The following ZSWIM5 variants were observed in gnomAD, a reference collection of about 807,000 sequenced individuals.
ZSWIM5 encodes the protein zinc finger SWIM domain-containing protein 5.
A neutral mutation model predicts 119.6 loss-of-function variants in ZSWIM5; 55 were observed. The observed-to-expected ratio is 0.46, with a 90% CI of 0.37 to 0.58. ZSWIM5 has a LOEUF of 0.58. Ranked by LOEUF, ZSWIM5 falls within the 20% of genes least tolerant of loss-of-function variation. ZSWIM5 has a pLI of 0.00. For synonymous variants in ZSWIM5, 537 were observed against 606.9 expected (o/e 0.88, Z 1.69); for missense variants, 1,193 against 1,512.8 (o/e 0.79, Z 3.51).
rs557324067 is a variant in ZSWIM5 at position 45,170,902 on chromosome 1, A to T, written c.595+34854T>A. On this transcript the variant is annotated intron_variant, in intron 1 of 13. Coordinates refer to ENST00000359600, the MANE Select transcript of ZSWIM5 (RefSeq NM_020883.2). ...CACTTGGCTGAAATGACTTTTTATT[A>T]AATTAAAAATGACTAGAATATTACC... Among the ~76,000 whole-genome samples the T allele has an allele frequency of 1.3e-3, 192 of 152,162 alleles. 3 individuals carry two copies. Among genetic ancestry groups the T allele is most frequent in the African/African-American group, 4.4e-3 (181 of 41,458 alleles).
chr1:45,158,379 G>A (rs1249600286), intron 1 of ZSWIM5, among the ~76,000 whole-genome samples: 1 of 152,012 alleles, frequency 6.6e-6, no homozygotes, highest in Non-Finnish European at 1.5e-5. Flanking sequence ...ACGTTGCCCA[G>A]GCTGGTCTCA....
intron 4 of ZSWIM5, among the ~76,000 whole-genome samples, chr1:45,052,720 C>T (rs532222428): frequency 1.9e-4 from 28 of 151,064 alleles, no homozygotes; most frequent in African/African-American, 6.6e-4. Context: ...TTACAGTGAG[C>T]CGAGATCACA....
chr1:45,060,161 G>A lies in ZSWIM5; in HGVS notation c.1039C>T (p.Leu347Phe), dbSNP rs368896573. Residue 347 changes from leucine to phenylalanine, a missense_variant, in exon 3 of 14, where the codon CTT becomes TTT. Leu to Phe is a conservative substitution (Grantham distance 22, BLOSUM62 0). Transcript: ENST00000359600. ...CAGTAACCGCCCTGGGAGAGAAAAA[G>A]CTTCACTTGTTCTTTCACCTGTTCT... ...DEEQVKEQVK[L>F]FLSQGGYCGS... The A allele has an allele frequency of 3.2e-5, 51 of 1,614,046 alleles. No individual in the cohort carries two copies. The African/African-American group carries it at 6.4e-4, about 20-fold the overall frequency.
intron 4 of ZSWIM5, among the ~76,000 whole-genome samples, chr1:45,055,525 C>T (rs141949024): frequency 2.0e-5 from 3 of 152,262 alleles, no homozygotes; most frequent in East Asian, 3.9e-4. Flanking sequence ...TCTGTGATGT[C>T]TGTATTAACT....
At chr1:45,033,071 C>T (rs937850094) in intron 11 of ZSWIM5, among the ~76,000 whole-genome samples, 2 of 152,128 alleles carry the variant, frequency 1.3e-5, no homozygotes, top group Non-Finnish European at 2.9e-5. Context: ...ATCTGATACT[C>T]CATGCAGGCT....
At chr1:45,176,461 C>T (rs1198252420) in intron 1 of ZSWIM5, among the ~76,000 whole-genome samples, 6 of 151,888 alleles carry the variant, frequency 4.0e-5, no homozygotes, top group Non-Finnish European at 8.8e-5. Context: ...GACGGGGTTT[C>T]GTCATGTTGG....
chr1:45,096,620 C>A (rs1183960633), intron 1 of ZSWIM5, among the ~76,000 whole-genome samples: 2 of 151,996 alleles, frequency 1.3e-5, no homozygotes, highest in East Asian at 1.9e-4. Context: ...CATAAAGCAC[C>A]AAACATTTTC....
At chr1:45,069,094 GA>G (rs1645203998) in intron 2 of ZSWIM5, among the ~76,000 whole-genome samples, 1 of 151,820 alleles carries the variant, frequency 6.6e-6, no homozygotes, top group Non-Finnish European at 1.5e-5. Flanking sequence ...TTACTGGCGT[GA>G]ACCATCCCAC....
intron 2 of ZSWIM5, among the ~76,000 whole-genome samples, chr1:45,076,990 A>G (rs1330843627): frequency 6.6e-6 from 1 of 152,094 alleles, no homozygotes; most frequent in Non-Finnish European, 1.5e-5. Context: ...ATCTGATAGA[A>G]TTCTAAACTC....
At chr1:45,073,033 T>C (rs1645233221) in intron 2 of ZSWIM5, among the ~76,000 whole-genome samples, 1 of 151,920 alleles carries the variant, frequency 6.6e-6, no homozygotes. Flanking sequence ...TTTAACAATA[T>C]TGATTTTTCC....
intron 10 of ZSWIM5, 148 bp downstream of exon 10, chr1:45,035,540 A>C (rs1644977344): frequency 9.6e-7 from 1 of 1,044,766 alleles, no homozygotes; most frequent in African/African-American, 1.6e-5. Flanking sequence ...ATCATATAAA[A>C]ATATCTGAGC....
At chr1:45,197,039 A>C (rs1343956797) in intron 1 of ZSWIM5, among the ~76,000 whole-genome samples, 1 of 152,208 alleles carries the variant, frequency 6.6e-6, no homozygotes, top group African/African-American at 2.4e-5. Context: ...ATTGCCCAAA[A>C]CAACCAATAG....
At chr1:45,115,978 C>G (rs571025334) in intron 1 of ZSWIM5, among the ~76,000 whole-genome samples, 1 of 152,168 alleles carries the variant, frequency 6.6e-6, no homozygotes, top group East Asian at 1.9e-4. Context: ...CGTGGTGGCG[C>G]GCGCCCGCAA....
intron 1 of ZSWIM5, among the ~76,000 whole-genome samples, chr1:45,188,830 T>C (rs186234124): frequency 6.6e-5 from 10 of 152,340 alleles, no homozygotes; most frequent in Non-Finnish European, 1.2e-4. Context: ...CACACAGATA[T>C]ATAACTGAGG....
At chr1:45,121,095 G>A (rs527862655) in intron 1 of ZSWIM5, among the ~76,000 whole-genome samples, 11 of 152,096 alleles carry the variant, frequency 7.2e-5, no homozygotes, top group African/African-American at 2.4e-4. Flanking sequence ...GACTACAGGC[G>A]CCCGCCACCT....
intron 1 of ZSWIM5, among the ~76,000 whole-genome samples, chr1:45,113,082 A>G (rs780119616): frequency 1.7e-4 from 26 of 152,238 alleles, no homozygotes; most frequent in Admixed American, 8.5e-4. Context: ...ATAGGTGTTA[A>G]GTGTTAGCTA....
intron 1 of ZSWIM5, among the ~76,000 whole-genome samples, chr1:45,169,002 C>A (rs1013346356): frequency 1.3e-5 from 2 of 152,022 alleles, no homozygotes; most frequent in African/African-American, 4.8e-5. Context: ...CAAAGTAATA[C>A]CCAAACTCTT....
chr1:45,153,067 A>G (rs1274891900), intron 1 of ZSWIM5, among the ~76,000 whole-genome samples: 1 of 150,384 alleles, frequency 6.6e-6, no homozygotes, highest in Non-Finnish European at 1.5e-5. Context: ...ATTTCACACC[A>G]ATCAGAATGG....
At chr1:45,124,552 G>A (rs955066088) in intron 1 of ZSWIM5, among the ~76,000 whole-genome samples, 5 of 151,780 alleles carry the variant, frequency 3.3e-5, no homozygotes, top group African/African-American at 1.2e-4. Flanking sequence ...AAAGGCAAAA[G>A]AAAACAGAAA....
Sources: gnomAD v4.1 joint callset for allele counts (sites outside exome capture counted in the v4.1 genomes callset) on GRCh38, gnomAD v4.1.1 for gene constraint, MANE v1.5 for transcripts, NCBI Gene and HGNC (gene_info 2026-07-23, HGNC 2026-07-21) for gene names.